The following MBOAT1 variants were observed in gnomAD, a reference collection of about 807,000 sequenced individuals.
MBOAT1 encodes the protein membrane-bound glycerophospholipid O-acyltransferase 1.
MBOAT1 carries 67 observed loss-of-function variants against 64.4 expected under a neutral mutation model. The observed-to-expected ratio is 1.04, with a 90% CI of 0.85 to 1.27. The LOEUF (loss-of-function observed/expected upper bound fraction) is 1.27, where lower values mean the gene tolerates loss of function less well. MBOAT1 is among the 50% of genes most tolerant of loss of function. MBOAT1 has a pLI of 0.00. For missense variants in MBOAT1, 563 were observed against 604.6 expected (o/e 0.93, Z 0.72); for synonymous variants, 229 against 218.9 (o/e 1.05, Z -0.41).
chr6:20,133,929 G>A (rs1760906111), intron 4 of MBOAT1, among the ~76,000 whole-genome samples: 1 of 152,106 alleles, frequency 6.6e-6, no homozygotes, highest in East Asian at 1.9e-4. Context: ...CCCTCAGGCT[G>A]CTCCCAGCTA....
chr6:20,148,830 C>T (rs1761404852), intron 3 of MBOAT1, among the ~76,000 whole-genome samples: 1 of 152,078 alleles, frequency 6.6e-6, no homozygotes, highest in African/African-American at 2.4e-5. Flanking sequence ...CAGCCAGGCA[C>T]GGTGGCTCAC....
intron 1 of MBOAT1, among the ~76,000 whole-genome samples, chr6:20,191,976 C>T (rs781257985): frequency 6.6e-6 from 1 of 152,144 alleles, no homozygotes; most frequent in Non-Finnish European, 1.5e-5. Flanking sequence ...ATGTCTTTTA[C>T]ATGTCCAACC....
chr6:20,129,561 GA>G lies in MBOAT1; in HGVS notation c.476-809del, dbSNP rs567181734. ...TTTACTCGTTCCTCCCACACACCAG[GA>G]AAAAAAAAAAAGGCGAGTAAACATT... is the stretch of plus-strand genomic sequence containing the variant. On this transcript the variant is annotated intron_variant, in intron 5 of 12. Coordinates refer to ENST00000324607, the MANE Select transcript of MBOAT1 (RefSeq NM_001080480.3). Among the ~76,000 whole-genome samples, 210 of 139,830 alleles carry G rather than the reference GA, an allele frequency of 1.5e-3. 2 individuals carry two copies. Among genetic ancestry groups the G allele is most frequent in the South Asian group, 6.5e-3 (29 of 4,436 alleles). The allele number at this position is 139,830 out of a possible 152,430, so 91.7% of individuals were successfully genotyped here.
chr6:20,149,969 G>C (rs1253124509), intron 3 of MBOAT1, among the ~76,000 whole-genome samples: 6 of 152,082 alleles, frequency 3.9e-5, no homozygotes. Flanking sequence ...AATATTTATT[G>C]AGCTCTTACT....
intron 4 of MBOAT1, among the ~76,000 whole-genome samples, chr6:20,143,027 T>C (rs992341631): frequency 1.3e-5 from 2 of 152,220 alleles, no homozygotes; most frequent in Admixed American, 6.5e-5. Flanking sequence ...GCAAAGTTCA[T>C]GAGCCATGAG....
intron 4 of MBOAT1, among the ~76,000 whole-genome samples, chr6:20,141,878 C>G (rs931910012): frequency 1.3e-5 from 2 of 151,984 alleles, no homozygotes; most frequent in African/African-American, 4.8e-5. Context: ...CACAAGGATG[C>G]GGGTAATAAA....
intron 1 of MBOAT1, among the ~76,000 whole-genome samples, chr6:20,210,691 T>C (rs72826644): frequency 0.023 from 3,361 of 148,982 alleles, 55 homozygotes; most frequent in Non-Finnish European, 0.037. Context: ...GGGGATGCAA[T>C]TGAAAGACAT....
intron 1 of MBOAT1, among the ~76,000 whole-genome samples, chr6:20,205,183 A>G (rs1419137609): frequency 6.6e-6 from 1 of 152,076 alleles, no homozygotes; most frequent in Non-Finnish European, 1.5e-5. Context: ...TAGGCAACAG[A>G]GTGAGATCCC....
At chr6:20,188,907 C>CA (rs1419335274) in intron 1 of MBOAT1, among the ~76,000 whole-genome samples, 1 of 152,168 alleles carries the variant, frequency 6.6e-6, no homozygotes, top group Non-Finnish European at 1.5e-5. Flanking sequence ...AGAACTCAAC[C>CA]AAGGACCCAT....
chr6:20,123,959 AG>A (rs1760573654), intron 8 of MBOAT1, among the ~76,000 whole-genome samples: 1 of 152,164 alleles, frequency 6.6e-6, no homozygotes, highest in African/African-American at 2.4e-5. Context: ...TGGGAGGCTG[AG>A]GCAGGAGAAT....
intron 1 of MBOAT1, among the ~76,000 whole-genome samples, chr6:20,165,742 CAA>C (rs11309966): frequency 2.1e-3 from 289 of 137,422 alleles, no homozygotes; most frequent in Middle Eastern, 4.0e-3. Flanking sequence ...GACTCTGTTT[CAA>C]AAAAAAAAAA....
intron 4 of MBOAT1, among the ~76,000 whole-genome samples, chr6:20,138,958 G>T (rs1761084535): frequency 6.6e-6 from 1 of 152,054 alleles, no homozygotes; most frequent in Non-Finnish European, 1.5e-5. Flanking sequence ...TGAGCTCCCG[G>T]GCTTGCGTCT....
intron 11 of MBOAT1, among the ~76,000 whole-genome samples, chr6:20,111,883 T>TATATACATATATATATACATATATATAC (rs1554115586): frequency 9.3e-5 from 13 of 140,220 alleles, no homozygotes; most frequent in Admixed American, 2.2e-4. Context: ...TATATATGTA[T>TATATACATATATATATACATATATATAC]ATATATATAT....
At chr6:20,132,367 T>A (rs1760856740) in intron 4 of MBOAT1, among the ~76,000 whole-genome samples, 1 of 152,180 alleles carries the variant, frequency 6.6e-6, no homozygotes, top group Non-Finnish European at 1.5e-5. Flanking sequence ...GATACATTTG[T>A]AAAATGCAGC....
intron 1 of MBOAT1, among the ~76,000 whole-genome samples, chr6:20,202,132 AC>A (rs938153436): frequency 2.6e-5 from 4 of 152,170 alleles, no homozygotes; most frequent in Non-Finnish European, 4.4e-5. Context: ...AGCCTTAGCA[AC>A]CTTTTGCTGT....
At chr6:20,207,762 T>G (rs1420260317) in intron 1 of MBOAT1, among the ~76,000 whole-genome samples, 4 of 152,210 alleles carry the variant, frequency 2.6e-5, no homozygotes, top group Admixed American at 2.6e-4. Flanking sequence ...AAGCATCAAA[T>G]GTAAACAGTA....
At chr6:20,110,980 T>A (rs893263785) in intron 11 of MBOAT1, among the ~76,000 whole-genome samples, 3 of 152,344 alleles carry the variant, frequency 2.0e-5, no homozygotes, top group Middle Eastern at 3.4e-3. Context: ...ATTTGCTGAG[T>A]GCTTACTCTG....
intron 1 of MBOAT1, among the ~76,000 whole-genome samples, chr6:20,170,537 T>C (rs1388592634): frequency 6.6e-6 from 1 of 152,204 alleles, no homozygotes; most frequent in Non-Finnish European, 1.5e-5. Context: ...CTCCTAAGTC[T>C]ATCTTAAATC....
rs113275316 is a variant in MBOAT1 at position 20,161,224 on chromosome 6, T to G, written c.100-8455A>C. Among the ~76,000 whole-genome samples, 1,321 of 152,086 alleles carry G rather than the reference T, an allele frequency of 8.7e-3. 11 individuals carry two copies. Among genetic ancestry groups the G allele is most frequent in the African/African-American group, 0.019 (806 of 41,474 alleles). On this transcript the variant is annotated intron_variant, in intron 1 of 12. Transcript: ENST00000324607. The stretch of plus-strand genomic sequence containing the variant: ...CAGGGATGTAGGCTGCCGCTCCTTA[T>G]AAGAATCGAATGCCTTACGATCTGT...
Sources: gnomAD v4.1 joint callset for allele counts (sites outside exome capture counted in the v4.1 genomes callset) on GRCh38, gnomAD v4.1.1 for gene constraint, MANE v1.5 for transcripts, NCBI Gene and HGNC (gene_info 2026-07-23, HGNC 2026-07-21) for gene names.